Variants in RSU1 observed in about 807,000 individuals in gnomAD.
The protein encoded by RSU1 is rsu-1.
RSU1 carries 26 observed loss-of-function variants against 31.1 expected under a neutral mutation model. The observed-to-expected ratio is 0.84, with a 90% CI of 0.61 to 1.16. RSU1 has a LOEUF of 1.16. RSU1 is among the 50% of genes most tolerant of loss of function. The pLI, the probability that RSU1 is intolerant of heterozygous loss-of-function variation, is 0.00. For synonymous variants in RSU1, 164 were observed against 136.3 expected (o/e 1.20, Z -1.41); for missense variants, 320 against 339.1 (o/e 0.94, Z 0.44).
At chr10:16,718,169 G>A (rs1389060203) in intron 7 of RSU1, among the ~76,000 whole-genome samples, 1 of 150,820 alleles carries the variant, frequency 6.6e-6, no homozygotes, top group East Asian at 1.9e-4. Context: ...GCCCTGGCTT[G>A]ACTCCAAGCA....
chr10:16,631,651 A>G (rs1834251908), intron 8 of RSU1, among the ~76,000 whole-genome samples: 1 of 152,230 alleles, frequency 6.6e-6, no homozygotes, highest in African/African-American at 2.4e-5. Flanking sequence ...GCCAGAAAAG[A>G]AAAAGAGGAT....
chr10:16,657,515 T>C (rs1441729081), intron 8 of RSU1, among the ~76,000 whole-genome samples: 1 of 148,818 alleles, frequency 6.7e-6, no homozygotes, highest in Non-Finnish European at 1.5e-5. Flanking sequence ...TACCATAACA[T>C]CTCAATCATA....
At chr10:16,776,139 G>A (rs1837525539) in intron 3 of RSU1, among the ~76,000 whole-genome samples, 1 of 152,210 alleles carries the variant, frequency 6.6e-6, no homozygotes, top group Non-Finnish European at 1.5e-5. Context: ...AATTCAGACA[G>A]TTAATTCTTC....
rs575978062 is a variant in RSU1, at chr10:16,630,082, T to A, written c.732-36586A>T. Among the ~76,000 whole-genome samples, 22 of 152,268 alleles carry A rather than the reference T, an allele frequency of 1.4e-4. No homozygotes were observed. The South Asian group carries it at 4.2e-3, about 29-fold the overall frequency. ...TAAAGTTTTTAAATTTTTTTTTTTA[T>A]TTTTTGAAAGGCGGCTTCTCACCAT... On this transcript the variant is annotated intron_variant, in intron 8 of 8. Transcript: ENST00000345264.
At chr10:16,716,005 A>C (rs1247481736) in intron 7 of RSU1, among the ~76,000 whole-genome samples, 3 of 152,222 alleles carry the variant, frequency 2.0e-5, no homozygotes, top group Non-Finnish European at 2.9e-5. Flanking sequence ...AATTTTTCTT[A>C]ATCAGATAAT....
chr10:16,742,952 A>G (rs1379709219), intron 7 of RSU1, among the ~76,000 whole-genome samples: 2 of 152,252 alleles, frequency 1.3e-5, no homozygotes, highest in Non-Finnish European at 2.9e-5. Flanking sequence ...TAGAATATAT[A>G]AAATGGAACT....
rs1838565041 is a variant in RSU1 at position 16,817,308 on chromosome 10, C to G, written c.-4+7G>C. 1 of 541,166 alleles carries G rather than the reference C, an allele frequency of 1.8e-6. No homozygotes were observed. The highest frequency in any genetic ancestry group is 3.3e-6 in the Non-Finnish European group (1 of 301,146). 33.5% of individuals were successfully genotyped at this position (541,166 alleles called of 1,614,324 possible). On this transcript the variant is annotated splice_region_variant and intron_variant, in intron 1 of 8. Coordinates refer to ENST00000345264, the MANE Select transcript of RSU1 (RefSeq NM_012425.4). ...GCAACCCCAAGTGCAACACCGCACA[C>G]ACTCACCACGGAAGGTAGCCCCTAA...
chr10:16,593,266 A>G lies in RSU1; in HGVS notation c.*128T>C. Reference sequence around the variant, plus strand: ...AAAAGGTAAGGTGGGAAGCATTAGAAAGAGAGTGAAAAGAAAAATAAAAAA... The same window carrying G: ...AAAAGGTAAGGTGGGAAGCATTAGAGAGAGAGTGAAAAGAAAAATAAAAAA... On this transcript the variant is annotated 3_prime_UTR_variant, in exon 9 of 9. Coordinates refer to ENST00000345264, the MANE Select transcript of RSU1 (RefSeq NM_012425.4). 1 of 1,476,344 alleles carries G rather than the reference A, an allele frequency of 6.8e-7. No homozygotes were observed. Among genetic ancestry groups the G allele is most frequent in the Non-Finnish European group, 9.0e-7 (1 of 1,110,102 alleles). 91.5% of individuals were successfully genotyped at this position (1,476,344 alleles called of 1,614,324 possible).
chr10:16,786,697 G>A (rs933065632), intron 2 of RSU1, among the ~76,000 whole-genome samples: 6 of 151,956 alleles, frequency 3.9e-5, no homozygotes, highest in Admixed American at 2.6e-4. Flanking sequence ...TACATCTCAG[G>A]GCTCATTCTA....
chr10:16,740,822 G>A (rs1836735210), intron 7 of RSU1, among the ~76,000 whole-genome samples: 1 of 152,038 alleles, frequency 6.6e-6, no homozygotes, highest in Non-Finnish European at 1.5e-5. Flanking sequence ...TAAATAAATG[G>A]AAAAAATATC....
intron 2 of RSU1, among the ~76,000 whole-genome samples, chr10:16,791,211 G>C (rs1837904997): frequency 6.6e-6 from 1 of 152,086 alleles, no homozygotes; most frequent in Non-Finnish European, 1.5e-5. Flanking sequence ...ATGTTTAGTA[G>C]AGACAGGGTT....
chr10:16,814,057 G>A (rs1838469974), intron 2 of RSU1, among the ~76,000 whole-genome samples: 1 of 152,186 alleles, frequency 6.6e-6, no homozygotes, highest in African/African-American at 2.4e-5. Flanking sequence ...GCAAGAAACA[G>A]CTATTCTCTG....
At chr10:16,815,306 T>C (rs1390481974) in intron 2 of RSU1, among the ~76,000 whole-genome samples, 1 of 152,220 alleles carries the variant, frequency 6.6e-6, no homozygotes. Context: ...AACGCAAATC[T>C]ACGTTTCCTC....
intron 7 of RSU1, among the ~76,000 whole-genome samples, chr10:16,749,581 C>T (rs779477932): frequency 6.6e-6 from 1 of 152,070 alleles, no homozygotes; most frequent in Non-Finnish European, 1.5e-5. Flanking sequence ...TCAGCCAGCC[C>T]GGAGCAGCAT....
In RSU1 at chr10:16,661,742, G is replaced by C. The variant is rs571580054; in HGVS notation, c.731+33281C>G. On this transcript the variant is annotated intron_variant, in intron 8 of 8. Transcript: ENST00000345264. ...TGTGAAAGAGTTTCGTCCTCCAACT[G>C]CAACCAAACCCCAGGCCTAGTCATC... Among the ~76,000 whole-genome samples, 10 of 152,234 alleles carry C rather than the reference G, an allele frequency of 6.6e-5. No homozygotes were observed. In the East Asian group the frequency reaches 1.9e-3, roughly 29 times the overall value.
At chr10:16,757,424 T>TC (rs1837119935) in intron 4 of RSU1, among the ~76,000 whole-genome samples, 1 of 151,926 alleles carries the variant, frequency 6.6e-6, no homozygotes, top group Non-Finnish European at 1.5e-5. Flanking sequence ...AAACGCGGGT[T>TC]CCCCCTGTCA....
At chr10:16,792,274 G>A (rs3780969) in intron 2 of RSU1, among the ~76,000 whole-genome samples, 27,868 of 152,088 alleles carry the variant, frequency 0.18, 2,637 homozygotes, top group African/African-American at 0.22. Flanking sequence ...TCTCACTGTC[G>A]CAGGCTGGAG....
chr10:16,779,458 AG>A (rs1416058824), intron 3 of RSU1, among the ~76,000 whole-genome samples: 1 of 152,208 alleles, frequency 6.6e-6, no homozygotes, highest in Non-Finnish European at 1.5e-5. Context: ...ATAACCCTGT[AG>A]ATCTTAAGTC....
At chr10:16,802,404 G>C (rs150536000) in intron 2 of RSU1, among the ~76,000 whole-genome samples, 1 of 151,982 alleles carries the variant, frequency 6.6e-6, no homozygotes, top group Non-Finnish European at 1.5e-5. Context: ...GTGGGCCTAC[G>C]TCTATTAAAG....
Sources: gnomAD v4.1 joint callset for allele counts (sites outside exome capture counted in the v4.1 genomes callset) on GRCh38, gnomAD v4.1.1 for gene constraint, MANE v1.5 for transcripts, NCBI Gene and HGNC (gene_info 2026-07-23, HGNC 2026-07-21) for gene names.